The following DTX1 variants were observed in gnomAD, a reference collection of about 807,000 sequenced individuals.
DTX1 encodes the protein deltex E3 ubiquitin ligase 1, also known as E3 ubiquitin-protein ligase DTX1.
In DTX1, 26 loss-of-function variants were observed where a neutral mutation model predicts 57.8. The ratio of observed to expected loss-of-function variants is 0.45; its 90% confidence interval spans 0.33 to 0.62. The LOEUF (loss-of-function observed/expected upper bound fraction) is 0.62. Among genes scored for constraint, DTX1 ranks in the 20% least tolerant of loss-of-function variants. The pLI, the probability that DTX1 is intolerant of heterozygous loss-of-function variation, is 0.02. For synonymous variants in DTX1, 398 were observed against 394.1 expected (o/e 1.01, Z -0.12); for missense variants, 704 against 895.3 (o/e 0.79, Z 2.73).
intron 2 of DTX1, among the ~76,000 whole-genome samples, chr12:113,064,484 C>T (rs2044690469): frequency 6.6e-6 from 1 of 152,206 alleles, no homozygotes; most frequent in Admixed American, 6.5e-5. Context: ...AGAGTCTAAT[C>T]TATCCATTTC....
rs1950264723 is a variant in DTX1, at chr12:113,093,784, T to C, written c.1165+84T>C. ...TCTGTGACCCCTGGTCTCCAACTTA[T>C]TCTTAGCATTTACTACCTCACCTCC... On this transcript the variant is annotated intron_variant, in intron 5 of 9. Transcript: ENST00000548759. The surrounding 1 kb of genome is among the most constrained non-coding windows in gnomAD (Gnocchi z 4.2). 1.3e-6 allele frequency: 2 copies of C among 1,562,844 alleles called. No homozygotes were observed. Among genetic ancestry groups the C allele is most frequent in the South Asian group, 1.2e-5 (1 of 84,452 alleles).
chr12:113,096,146 A>G (rs1011014291), intron 9 of DTX1, among the ~76,000 whole-genome samples: 1 of 151,950 alleles, frequency 6.6e-6, no homozygotes, highest in Admixed American at 6.6e-5. Context: ...CAGAGGTTGC[A>G]CTGAGTCGAG....
At chr12:113,094,300 C>G (rs1950269761) in intron 6 of DTX1, among the ~76,000 whole-genome samples, 1 of 152,180 alleles carries the variant, frequency 6.6e-6, no homozygotes, top group African/African-American at 2.4e-5. Context: ...GTTTTTGTGT[C>G]ATTTTCACCC....
chr12:113,093,570 G>A lies in DTX1; in HGVS notation c.1035G>A (p.Gly345=), dbSNP rs2136067295. Reference sequence around the variant, plus strand: ...CCGGGATACTGCTGTGCGCGGCCGGGCTGCCCGTGTGCCTGACGCGGGCCC... The same window carrying A: ...CCGGGATACTGCTGTGCGCGGCCGGACTGCCCGTGTGCCTGACGCGGGCCC... ...GMTGILLCAA[G]LPVCLTRAPK... The change falls in exon 5 of 10, where the codon GGG becomes GGA. Residue 345 remains glycine (G), a synonymous_variant. Coordinates refer to ENST00000548759, the MANE Select transcript of DTX1 (RefSeq NM_004416.3). This position sits in a 1 kb window ranked among gnomAD's most constrained non-coding sequence, Gnocchi z 4.2. 6.2e-7 allele frequency: 1 copy of A among 1,610,130 alleles called. No homozygotes were observed. The highest frequency in any genetic ancestry group is 8.5e-7 in the Non-Finnish European group (1 of 1,178,458).
chr12:113,092,033 C>T (rs927422192), intron 3 of DTX1, among the ~76,000 whole-genome samples: 3 of 152,208 alleles, frequency 2.0e-5, no homozygotes, highest in Non-Finnish European at 4.4e-5. Flanking sequence ...GTCCTCCCAA[C>T]GACTATAAGT....
chr12:113,077,141 A>C lies in DTX1; in HGVS notation c.260-283A>C. Among the ~76,000 whole-genome samples, 2 of 150,366 alleles carry C rather than the reference A, an allele frequency of 1.3e-5. No individual in the cohort carries two copies. The highest frequency in any genetic ancestry group is 4.9e-5 in the African/African-American group (2 of 40,610). ...ATCTACTGACCACGCGCCCCTGCCC[A>C]CCTCTCGCCCCAGTGCTATGCGCTG... On this transcript the variant is annotated intron_variant, in intron 2 of 9. Transcript: ENST00000548759. The surrounding 1 kb of genome is among the most constrained non-coding windows in gnomAD (Gnocchi z 7.8).
intron 3 of DTX1, among the ~76,000 whole-genome samples, chr12:113,082,632 A>G (rs2044827031): frequency 6.6e-6 from 1 of 152,026 alleles, no homozygotes; most frequent in South Asian, 2.1e-4. Flanking sequence ...CCTCGCTCTT[A>G]TTGCCCAGGC....
chr12:113,094,005 T>C (rs1347452843), intron 5 of DTX1, 33 bp from the exon 6 acceptor site: 21 of 1,563,026 alleles, frequency 1.3e-5, no homozygotes, highest in Non-Finnish European at 1.8e-5. Flanking sequence ...AGACTCTGGG[T>C]ACCCTCAAAC....
At position 113,093,436 on chromosome 12, in the gene DTX1, A is replaced by ACC; in HGVS notation, c.1004-103_1004-102insCC. The ACC allele has an allele frequency of 1.5e-5, 13 of 876,272 alleles. No individual in the cohort carries two copies. The highest frequency in any genetic ancestry group is 1.9e-5 in the Non-Finnish European group (11 of 586,216). 54.3% of individuals were successfully genotyped at this position (876,272 alleles called of 1,614,324 possible). A position where few individuals can be genotyped will look rare whatever the true frequency, so the allele number is the denominator to read the frequency against. ...CTGAGTGGGTGGGGCCCAAGAGCGCAACCCTCCCACCCACCCGAGGGCCCC... is the reference window on the plus strand; with the variant it reads ...CTGAGTGGGTGGGGCCCAAGAGCGCACCACCCTCCCACCCACCCGAGGGCCCC... On this transcript the variant is annotated intron_variant, in intron 4 of 9. Coordinates refer to ENST00000548759, the MANE Select transcript of DTX1 (RefSeq NM_004416.3). This position sits in a 1 kb window ranked among gnomAD's most constrained non-coding sequence, Gnocchi z 4.2.
Position 113,058,377 on chromosome 12 carries a change from T to C in DTX1, c.185T>C (p.Leu62Pro), listed in dbSNP as rs1566011809. The change falls in exon 2 of 10, where the codon CTG (leucine) becomes CCG (proline). Residue 62 changes from leucine to proline, a missense_variant. Leu to Pro is a moderately conservative substitution (Grantham distance 98, BLOSUM62 -3). Around this residue, in one of 3 missense-constraint regions of DTX1, gnomAD observed 237 missense variants for 328.6 expected, o/e 0.72. Coordinates refer to ENST00000548759, the MANE Select transcript of DTX1 (RefSeq NM_004416.3). The part of the protein sequence containing the change: ...LKEDARGSVV[L>P]GQVDAQLVPY... ...GAGGACGCTCGCGGTTCCGTGGTCC[T>C]GGGGCAGGTGGACGCCCAGCTTGTG... is the stretch of plus-strand genomic sequence containing the variant. The C allele has an allele frequency of 1.2e-6, 2 of 1,610,776 alleles. No individual in the cohort carries two copies. Among genetic ancestry groups the C allele is most frequent in the South Asian group, 1.1e-5 (1 of 91,074 alleles).
At chr12:113,057,324 G>C (rs940919189) in intron 1 of DTX1, 125 bp from the exon 2 acceptor site, 1 of 152,386 alleles carries the variant, frequency 6.6e-6, no homozygotes, top group Non-Finnish European at 1.5e-5. Context: ...GGGCGACCCC[G>C]TACGCCCCCC....
intron 3 of DTX1, chr12:113,089,787 C>T (rs1421367089): frequency 1.3e-5 from 2 of 152,230 alleles, no homozygotes; most frequent in African/African-American, 2.4e-5. Flanking sequence ...GCAAGACTGA[C>T]TTTTGTAATC....
rs145334642 is a variant in DTX1 at position 113,097,645 on chromosome 12, C to T, written c.*706C>T. ...TCCTTCTCCCTTCCCATCTCCAGGC[C>T]TTCTGTCTGTCCCAGATAAAGGCGC... On this transcript the variant is annotated 3_prime_UTR_variant, in exon 10 of 10. Coordinates refer to ENST00000548759, the MANE Select transcript of DTX1 (RefSeq NM_004416.3). The T allele has an allele frequency of 6.6e-6, 1 of 152,544 alleles. No homozygotes were observed. Among genetic ancestry groups the T allele is most frequent in the African/African-American group, 2.4e-5 (1 of 41,596 alleles). 9.4% of individuals were successfully genotyped at this position (152,544 alleles called of 1,614,324 possible).
chr12:113,068,576 A>T (rs1020780340), intron 2 of DTX1, among the ~76,000 whole-genome samples: 2 of 152,242 alleles, frequency 1.3e-5, no homozygotes, highest in Admixed American at 1.3e-4. Flanking sequence ...TATGTTCAAA[A>T]AATAGCTGGA....
intron 2 of DTX1, among the ~76,000 whole-genome samples, chr12:113,064,776 G>C (rs942477428): frequency 2.6e-5 from 4 of 152,236 alleles, no homozygotes; most frequent in African/African-American, 7.2e-5. Flanking sequence ...TACTTTGCAC[G>C]TAGTAAGCAC....
intron 2 of DTX1, among the ~76,000 whole-genome samples, chr12:113,068,045 T>A (rs538224530): frequency 1.1e-4 from 17 of 151,992 alleles, no homozygotes; most frequent in South Asian, 4.2e-4. Flanking sequence ...TCTCAAAAAA[T>A]AAATAAATAA....
At chr12:113,068,709 G>T (rs987258692) in intron 2 of DTX1, among the ~76,000 whole-genome samples, 5 of 152,214 alleles carry the variant, frequency 3.3e-5, no homozygotes, top group African/African-American at 1.2e-4. Context: ...GTGGAGCAGA[G>T]GAGTGACACA....
At chr12:113,081,370 C>T (rs113983424) in intron 3 of DTX1, among the ~76,000 whole-genome samples, 1 of 152,142 alleles carries the variant, frequency 6.6e-6, no homozygotes, top group African/African-American at 2.4e-5. Flanking sequence ...AGCTACTGTT[C>T]TAGAGGAGGC....
chr12:113,062,828 C>T (rs1487695492), intron 2 of DTX1, among the ~76,000 whole-genome samples: 2 of 152,240 alleles, frequency 1.3e-5, no homozygotes, highest in African/African-American at 2.4e-5. Flanking sequence ...TTTGTTCAGC[C>T]GTGCCCCCTC....
Sources: allele counts gnomAD v4.1 joint callset (sites outside exome capture counted in the v4.1 genomes callset), GRCh38; gene constraint gnomAD v4.1.1; regional missense constraint gnomAD v4.1.1; non-coding constraint Gnocchi (gnomAD v3.1); transcripts MANE v1.5; gene names NCBI Gene and HGNC (gene_info 2026-07-23, HGNC 2026-07-21).